Variants in ANKS1A observed in about 807,000 individuals in gnomAD.
ANKS1A encodes ankyrin repeat and SAM domain-containing protein 1A.
ANKS1A carries 55 observed loss-of-function variants against 120.3 expected under a neutral mutation model. The ratio of observed to expected loss-of-function variants is 0.46; its 90% CI spans 0.37 to 0.57. ANKS1A has a LOEUF of 0.57. Ranked by LOEUF, ANKS1A falls within the 20% of genes least tolerant of loss-of-function variation. The pLI is 0.00. For synonymous variants in ANKS1A, 590 were observed against 604.7 expected (o/e 0.98, Z 0.36); for missense variants, 1,123 against 1,480.3 (o/e 0.76, Z 3.96).
At chr6:35,039,909 G>A (rs1775372219) in intron 11 of ANKS1A, among the ~76,000 whole-genome samples, 1 of 152,202 alleles carries the variant, frequency 6.6e-6, no homozygotes, top group Non-Finnish European at 1.5e-5. Context: ...CAGCCAGCAT[G>A]GCCCCTGACA....
chr6:34,951,128 A>C (rs1770072680), intron 1 of ANKS1A, among the ~76,000 whole-genome samples: 1 of 152,200 alleles, frequency 6.6e-6, no homozygotes, highest in African/African-American at 2.4e-5. Flanking sequence ...TCCACGTCGT[A>C]GATCTTCATT....
chr6:35,088,485 G>T (rs556433803), intron 23 of ANKS1A, 121 bp from the exon 24 acceptor site: 1 of 1,285,450 alleles, frequency 7.8e-7, no homozygotes, highest in South Asian at 1.2e-5. Flanking sequence ...GGCATGGAGG[G>T]TGCCCCGGGG....
At chr6:35,036,418 A>T (rs1037413281) in intron 11 of ANKS1A, among the ~76,000 whole-genome samples, 1 of 152,234 alleles carries the variant, frequency 6.6e-6, no homozygotes, top group Admixed American at 6.5e-5. Context: ...CTCTCATTAC[A>T]GGTTAGGAAA....
chr6:35,028,033 C>T (rs551730214), intron 11 of ANKS1A, among the ~76,000 whole-genome samples: 1 of 152,332 alleles, frequency 6.6e-6, no homozygotes, highest in African/African-American at 2.4e-5. Context: ...TAGGTGCCTA[C>T]AAATGACAAT....
chr6:34,969,376 T>G (rs1394263129), intron 2 of ANKS1A, among the ~76,000 whole-genome samples: 1 of 152,178 alleles, frequency 6.6e-6, no homozygotes, highest in African/African-American at 2.4e-5. Context: ...TGCTTCACCC[T>G]CCCAAGTAGC....
Position 34,996,784 on chromosome 6 carries a change from A to G in ANKS1A, c.1423+2362A>G, listed in dbSNP as rs563625248. Among the ~76,000 whole-genome samples the G allele has an allele frequency of 3.6e-4, 55 of 151,554 alleles. No homozygotes were observed. In the South Asian group the frequency reaches 7.1e-3, roughly 20 times the overall value. The stretch of plus-strand genomic sequence containing the variant: ...CCATGCCTGGCCACCAATCTTTTCT[A>G]TTTTTTTTGCTAAAAATTTTATATC... On this transcript the variant is annotated intron_variant, in intron 10 of 23. Transcript: ENST00000360359.
downstream of ANKS1A, among the ~76,000 whole-genome samples, chr6:35,092,934 C>A (rs978919983): frequency 1.3e-5 from 2 of 152,164 alleles, no homozygotes; most frequent in Admixed American, 1.3e-4. Context: ...GAGGAACTTT[C>A]AAGCTGGAGC....
chr6:34,903,895 G>A (rs1767502406), intron 1 of ANKS1A, among the ~76,000 whole-genome samples: 1 of 152,156 alleles, frequency 6.6e-6, no homozygotes, highest in Admixed American at 6.5e-5. Context: ...CACGATATTA[G>A]CTCATTGTAG....
intron 11 of ANKS1A, chr6:35,038,409 G>A: frequency 4.5e-6 from 2 of 442,758 alleles, no homozygotes; most frequent in Non-Finnish European, 9.2e-6. Flanking sequence ...GCAGTGAAGA[G>A]TGCTGTGATA....
At chr6:35,079,053 G>T (rs1777520363) in intron 14 of ANKS1A, among the ~76,000 whole-genome samples, 1 of 152,198 alleles carries the variant, frequency 6.6e-6, no homozygotes, top group Non-Finnish European at 1.5e-5. Flanking sequence ...GAGTGGGCTT[G>T]AGGGAAGTAC....
At position 35,086,615 on chromosome 6, in the gene ANKS1A, G is replaced by A. The variant is rs1326292250; in HGVS notation, c.3304-337G>A. On this transcript the variant is annotated intron_variant, in intron 22 of 23. Transcript: ENST00000360359. The surrounding 1 kb of genome is among the most constrained non-coding windows in gnomAD (Gnocchi z 5.1). ...CTCTCTGGGCCTACCAGAGAGACCC[G>A]AGGCTGGACATTTGCAAGCCCCATA... 2.0e-5 allele frequency among the ~76,000 whole-genome samples: 3 copies of A among 152,026 alleles called. No homozygotes were observed. The highest frequency in any genetic ancestry group is 1.9e-4 in the East Asian group (1 of 5,174).
chr6:35,033,898 G>C (rs1397499288), intron 11 of ANKS1A, among the ~76,000 whole-genome samples: 2 of 152,186 alleles, frequency 1.3e-5, no homozygotes, highest in Non-Finnish European at 2.9e-5. Context: ...CCCTGTTCCT[G>C]GAAGAGAGCT....
At chr6:34,917,431 G>A (rs537203629) in intron 1 of ANKS1A, among the ~76,000 whole-genome samples, 1 of 152,322 alleles carries the variant, frequency 6.6e-6, no homozygotes, top group East Asian at 1.9e-4. Flanking sequence ...GTCAAACCAA[G>A]CTCCGCTGCC....
chr6:35,083,497 C>T lies in ANKS1A; in HGVS notation c.2988C>T (p.Ser996=). Residue 996 remains serine (S), a synonymous_variant, in exon 20 of 24, where the codon TCC becomes TCT. Transcript: ENST00000360359. ...AAGGTGTCAAGTTCATCGATGCCTC[C>T]AACAAGGTGTGCTGCTTACAGGGAC... ...TYKGVKFIDA[S]NKNVIAEHEI... 1 of 1,613,940 alleles carries T rather than the reference C, an allele frequency of 6.2e-7. No individual in the cohort carries two copies. The highest frequency in any genetic ancestry group is 8.5e-7 in the Non-Finnish European group (1 of 1,179,852).
intron 23 of ANKS1A, among the ~76,000 whole-genome samples, chr6:35,087,257 AC>A (rs1398245427): frequency 6.6e-6 from 1 of 152,028 alleles, no homozygotes; most frequent in Non-Finnish European, 1.5e-5. Flanking sequence ...ACCACCGAAC[AC>A]TGTGAATTCT....
intron 1 of ANKS1A, among the ~76,000 whole-genome samples, chr6:34,953,737 C>A (rs897699333): frequency 6.6e-6 from 1 of 152,162 alleles, no homozygotes; most frequent in African/African-American, 2.4e-5. Context: ...GTGCCAGGTA[C>A]TTACTGTGTG....
rs1424859408 is a variant in ANKS1A at position 35,078,488 on chromosome 6, C to T, written c.2185-70C>T. On this transcript the variant is annotated intron_variant, in intron 13 of 23. Coordinates refer to ENST00000360359, the MANE Select transcript of ANKS1A (RefSeq NM_015245.3). ...ATTTGGTGCAGGGCCCTGAAAGGCC[C>T]ACCTGACCCCCTCAGGGCCACCAGC... 3 of 1,448,674 alleles carry T rather than the reference C, an allele frequency of 2.1e-6. No homozygotes were observed. In the African/African-American group the frequency reaches 4.2e-5, roughly 20 times the overall value. 89.7% of individuals were successfully genotyped at this position (1,448,674 alleles called of 1,614,324 possible).
chr6:35,064,746 G>C (rs1345345890), intron 13 of ANKS1A, among the ~76,000 whole-genome samples: 1 of 152,158 alleles, frequency 6.6e-6, no homozygotes, highest in Non-Finnish European at 1.5e-5. Context: ...CTGCCACTGG[G>C]CACCATTATC....
rs568895196 is a variant in ANKS1A, at chr6:34,982,477, A to G, written c.733-275A>G. On this transcript the variant is annotated intron_variant, in intron 4 of 23. Coordinates refer to ENST00000360359, the MANE Select transcript of ANKS1A (RefSeq NM_015245.3). The surrounding 1 kb of genome is among the most constrained non-coding windows in gnomAD (Gnocchi z 4.9). ...TTCTTATTACTCCTTCCACCCAGGA[A>G]GGTGGAGTTCTGAGGCATTTCACCA... is the stretch of plus-strand genomic sequence containing the variant. 6.6e-5 allele frequency among the ~76,000 whole-genome samples: 10 copies of G among 152,288 alleles called. No individual in the cohort carries two copies. Among genetic ancestry groups the G allele is most frequent in the Admixed American group, 3.9e-4 (6 of 15,294 alleles).
Sources: allele counts gnomAD v4.1 joint callset (sites outside exome capture counted in the v4.1 genomes callset), GRCh38; gene constraint gnomAD v4.1.1; non-coding constraint Gnocchi (gnomAD v3.1); transcripts MANE v1.5; gene names NCBI Gene and HGNC (gene_info 2026-07-23, HGNC 2026-07-21).